The following EP400 variants were observed in gnomAD, a reference collection of about 807,000 sequenced individuals.
EP400 encodes the protein E1A-binding protein p400.
Under a neutral mutation model 354.1 loss-of-function variants are expected in EP400, and 105 were observed. The observed-to-expected ratio is 0.30, with a 90% CI of 0.25 to 0.35. The LOEUF is 0.35. EP400 is among the 10% of genes least tolerant of loss of function. The pLI is 1.00. For synonymous variants in EP400, 1,646 were observed against 1,716.9 expected (o/e 0.96, Z 1.02); for missense variants, 3,280 against 4,121.0 (o/e 0.80, Z 5.59).
rs986945297 is a variant in EP400 at position 132,025,167 on chromosome 12, G to A, written c.4856-479G>A. Among the ~76,000 whole-genome samples the A allele has an allele frequency of 1.3e-5, 2 of 152,116 alleles. No homozygotes were observed. The highest frequency in any genetic ancestry group is 2.9e-5 in the Non-Finnish European group (2 of 68,026). On this transcript the variant is annotated intron_variant, in intron 24 of 52. Coordinates refer to ENST00000389561, the MANE Select transcript of EP400 (RefSeq NM_015409.5). The surrounding 1 kb of genome is among the most constrained non-coding windows in gnomAD (Gnocchi z 4.1). ...CGGTTTATTCATAGAGATGACCTGG[G>A]AAACTATCTTCTCCAGAGTAAAAGA...
At chr12:131,960,227 G>A (rs1287050669) in intron 1 of EP400, among the ~76,000 whole-genome samples, 1 of 152,232 alleles carries the variant, frequency 6.6e-6, no homozygotes, top group Non-Finnish European at 1.5e-5. Flanking sequence ...CAGTCTCCTA[G>A]TCCTTCAAAT....
intron 14 of EP400, 49 bp from the exon 15 acceptor site, chr12:132,006,651 G>T (rs368472039): frequency 6.6e-7 from 1 of 1,523,320 alleles, no homozygotes; most frequent in Non-Finnish European, 8.8e-7. Context: ...AAAAAGTTTG[G>T]GTGATTATTT....
chr12:132,064,219 T>C (rs958821208), intron 47 of EP400, among the ~76,000 whole-genome samples: 18 of 152,284 alleles, frequency 1.2e-4, no homozygotes, highest in Admixed American at 2.6e-4. Context: ...TGTTTGCCTG[T>C]CTCCTTCGTT....
At position 132,067,261 on chromosome 12, in the gene EP400, T is replaced by C; in HGVS notation, c.8750-101T>C. ...TACTTGTCTCCATAGAGTTTCATAGTTTGTTATTTTCTGTAGAGGTGAGTC... is the reference window on the plus strand; with the variant it reads ...TACTTGTCTCCATAGAGTTTCATAGCTTGTTATTTTCTGTAGAGGTGAGTC... On this transcript the variant is annotated intron_variant, in intron 49 of 52. Coordinates refer to ENST00000389561, the MANE Select transcript of EP400 (RefSeq NM_015409.5). The surrounding 1 kb of genome is among the most constrained non-coding windows in gnomAD (Gnocchi z 5.3). 6.7e-7 allele frequency: 1 copy of C among 1,495,810 alleles called. No homozygotes were observed. 92.7% of individuals were successfully genotyped at this position (1,495,810 alleles called of 1,614,324 possible).
At position 132,044,191 on chromosome 12, in the gene EP400, T is replaced by C. The variant is rs1440125436; in HGVS notation, c.6465T>C (p.Thr2155=). 1.2e-6 allele frequency: 2 copies of C among 1,614,108 alleles called. No individual in the cohort carries two copies. Among genetic ancestry groups the C allele is most frequent in the African/African-American group, 1.3e-5 (1 of 74,950 alleles). Residue 2155 remains threonine, a synonymous_variant, in exon 35 of 53, where the codon ACT becomes ACC. Coordinates refer to ENST00000389561, the MANE Select transcript of EP400 (RefSeq NM_015409.5). The stretch of plus-strand genomic sequence containing the variant: ...CTCCCCGTCAGGACGCAGTGATGAC[T>C]GCAGTGAGGGCATGGGAGTTCTGGA... ...KERNSEDAVM[T]AVRAWEFWNL... is the part of the protein sequence containing the mutation.
In EP400 at chr12:132,013,922, G is replaced by C. The variant is rs779874559; in HGVS notation, c.3923+9G>C. 2.6e-5 allele frequency: 42 copies of C among 1,613,572 alleles called. No individual in the cohort carries two copies. The highest frequency in any genetic ancestry group is 3.3e-5 in the Non-Finnish European group (39 of 1,179,822). ...GTTATCCTGCAACCTGGGTGAGTGTGGGCTCTGGGCATGTGCCCCCTTTGC... is the reference window on the plus strand; with the variant it reads ...GTTATCCTGCAACCTGGGTGAGTGTCGGCTCTGGGCATGTGCCCCCTTTGC... On this transcript the variant is annotated intron_variant, in intron 19 of 52. Coordinates refer to ENST00000389561, the MANE Select transcript of EP400 (RefSeq NM_015409.5). The surrounding 1 kb of genome is among the most constrained non-coding windows in gnomAD (Gnocchi z 4.5).
At chr12:132,047,093 C>T (rs1895123268) in intron 39 of EP400, among the ~76,000 whole-genome samples, 1 of 152,246 alleles carries the variant, frequency 6.6e-6, no homozygotes, top group African/African-American at 2.4e-5. Flanking sequence ...AGGATGCGAA[C>T]ATCACACTTA....
intron 12 of EP400, among the ~76,000 whole-genome samples, chr12:132,001,042 T>G (rs1893390968): frequency 6.6e-6 from 1 of 152,178 alleles, no homozygotes; most frequent in Admixed American, 6.5e-5. Context: ...TTTTGACAAT[T>G]TATTGGTGTA....
At chr12:132,015,411 A>G (rs1893895698) in intron 19 of EP400, among the ~76,000 whole-genome samples, 1 of 152,206 alleles carries the variant, frequency 6.6e-6, no homozygotes, top group African/African-American at 2.4e-5. Flanking sequence ...GTAACATACT[A>G]GTTGTCATTT....
At chr12:132,012,890 TA>T in intron 16 of EP400, 118 bp from the exon 17 acceptor site, 2 of 1,069,606 alleles carry the variant, frequency 1.9e-6, no homozygotes, top group Non-Finnish European at 2.5e-6. Flanking sequence ...AAAAAGCAAG[TA>T]AAATTATAGG....
At chr12:132,076,094 C>T (rs1006994024) in intron 51 of EP400, 13 of 223,150 alleles carry the variant, frequency 5.8e-5, no homozygotes, top group African/African-American at 2.5e-4. Context: ...ACCGGGTTCC[C>T]CACTTCAGCT....
chr12:131,988,164 G>T (rs2136500506), intron 7 of EP400, among the ~76,000 whole-genome samples: 1 of 151,998 alleles, frequency 6.6e-6, no homozygotes, highest in South Asian at 2.1e-4. Flanking sequence ...GAACCACTGT[G>T]CCTGGCAGAC....
rs1253741317 is a variant in EP400 at position 132,053,434 on chromosome 12, C to T, written c.7565C>T (p.Pro2522Leu). The T allele has an allele frequency of 6.6e-6, 10 of 1,524,104 alleles. No individual in the cohort carries two copies. The highest frequency in any genetic ancestry group is 1.4e-5 in the African/African-American group (1 of 72,304). The allele number at this position is 1,524,104 out of a possible 1,614,324, so 94.4% of individuals were successfully genotyped here. A position where few individuals can be genotyped will look rare whatever the true frequency, so the allele number is the denominator to read the frequency against. The stretch of plus-strand genomic sequence containing the variant: ...CCCCCACCACCCCCGCAGCAGCCAC[C>T]GCCACCGCTGCCACAACCACAGGCA... Reference protein sequence around the residue: ...PQPPPPPQQPPPPLPQPQAAG... With the variant: ...PQPPPPPQQPLPPLPQPQAAG... The change falls in exon 43 of 53, where the codon CCG becomes CTG. Residue 2522 changes from proline (P) to leucine (L), a missense_variant. Physicochemically the swap from Pro to Leu is moderately conservative, Grantham distance 98. Transcript: ENST00000389561.
chr12:131,962,663 C>T (rs1891931558), intron 2 of EP400, among the ~76,000 whole-genome samples: 2 of 152,108 alleles, frequency 1.3e-5, no homozygotes, highest in African/African-American at 4.8e-5. Context: ...TTTTGGGTGC[C>T]TGGAATGGCA....
chr12:132,044,793 C>T lies in EP400; in HGVS notation c.6631-7C>T, dbSNP rs775326368. The T allele has an allele frequency of 1.9e-6, 3 of 1,614,084 alleles. No individual in the cohort carries two copies. Among genetic ancestry groups the T allele is most frequent in the Non-Finnish European group, 2.5e-6 (3 of 1,179,988 alleles). On this transcript the variant is annotated splice_polypyrimidine_tract_variant and splice_region_variant and intron_variant, in intron 36 of 52. Transcript: ENST00000389561. ...CACATCTCATGGGCCTTCCCTTCTC[C>T]ATGCAGCTCTGGACCCCACCCACCC...
intron 19 of EP400, among the ~76,000 whole-genome samples, chr12:132,016,840 A>C (rs781341258): frequency 1.3e-5 from 2 of 151,948 alleles, no homozygotes; most frequent in Non-Finnish European, 2.9e-5. Context: ...CCATCGACCA[A>C]GTTGTTTGAG....
intron 12 of EP400, among the ~76,000 whole-genome samples, chr12:131,995,832 T>A (rs571981944): frequency 6.7e-6 from 1 of 149,866 alleles, no homozygotes; most frequent in South Asian, 2.1e-4. Context: ...CTTGACTGAA[T>A]GTGCCGTTCA....
intron 2 of EP400, among the ~76,000 whole-genome samples, chr12:131,968,505 G>A (rs1019765176): frequency 1.7e-4 from 26 of 152,180 alleles, no homozygotes; most frequent in Non-Finnish European, 3.7e-4. Flanking sequence ...CAAGTAGTGT[G>A]AGTTCTCCAA....
chr12:132,038,224 G>C lies in EP400; in HGVS notation c.6207+128G>C, dbSNP rs1656332413. 1 of 1,215,524 alleles carries C rather than the reference G, an allele frequency of 8.2e-7. No homozygotes were observed. The highest frequency in any genetic ancestry group is 1.1e-6 in the Non-Finnish European group (1 of 880,540). The allele number at this position is 1,215,524 out of a possible 1,614,324, so 75.3% of individuals were successfully genotyped here. ...GGCCTGAAGCCCTCTTCCCGTCCCT[G>C]CTTTTGGAACCTCCCCACTCCCTTC... On this transcript the variant is annotated intron_variant, in intron 32 of 52. Coordinates refer to ENST00000389561, the MANE Select transcript of EP400 (RefSeq NM_015409.5). The surrounding 1 kb of genome is among the most constrained non-coding windows in gnomAD (Gnocchi z 4.2).
Sources: allele counts gnomAD v4.1 joint callset (sites outside exome capture counted in the v4.1 genomes callset), GRCh38; gene constraint gnomAD v4.1.1; non-coding constraint Gnocchi (gnomAD v3.1); transcripts MANE v1.5; gene names NCBI Gene and HGNC (gene_info 2026-07-23, HGNC 2026-07-21).